LPIN2: variants seen among roughly 807,000 people sequenced by gnomAD.
The protein encoded by LPIN2 is phosphatidate phosphatase LPIN2.
LPIN2 carries 55 observed loss-of-function variants against 111.4 expected under a neutral mutation model. The observed-to-expected ratio is 0.49, with a 90% CI of 0.40 to 0.62. The LOEUF (loss-of-function observed/expected upper bound fraction) is 0.62, where lower values mean the gene tolerates loss of function less well. Among genes scored for constraint, LPIN2 ranks in the 20% least tolerant of loss-of-function variants. The pLI, the probability that LPIN2 is intolerant of heterozygous loss-of-function variation, is 0.00. For synonymous variants in LPIN2, 425 were observed against 414.0 expected (o/e 1.03, Z -0.32); for missense variants, 992 against 1,112.1 (o/e 0.89, Z 1.54).
chr18:2,926,182 G>T (rs2077127345), intron 13 of LPIN2, among the ~76,000 whole-genome samples: 1 of 152,194 alleles, frequency 6.6e-6, no homozygotes, highest in Admixed American at 6.5e-5. Flanking sequence ...AGGATGGGGG[G>T]CGGTAAGGGG....
intron 11 of LPIN2, among the ~76,000 whole-genome samples, chr18:2,928,380 A>C (rs2144147267): frequency 6.6e-6 from 1 of 152,350 alleles, no homozygotes; most frequent in Non-Finnish European, 1.5e-5. Context: ...AATAAAAATG[A>C]AATAAAGAAG....
intron 1 of LPIN2, chr18:2,990,864 C>G: frequency 2.1e-6 from 1 of 481,618 alleles, no homozygotes; most frequent in Non-Finnish European, 4.0e-6. Flanking sequence ...GACAATGATA[C>G]TACCTCCCTC....
chr18:2,960,532 T>A, intron 2 of LPIN2, 117 bp downstream of exon 2: 3 of 987,906 alleles, frequency 3.0e-6, no homozygotes, highest in Non-Finnish European at 1.6e-6. Context: ...AAAAAAGGCC[T>A]AGAAAACTCA....
At chr18:3,009,404 T>G (rs1447321803) in intron 1 of LPIN2, among the ~76,000 whole-genome samples, 1 of 151,636 alleles carries the variant, frequency 6.6e-6, no homozygotes, top group Non-Finnish European at 1.5e-5. Flanking sequence ...CTAGTAAAAT[T>G]CTAAATTCAA....
chr18:2,946,180 T>A (rs1427896566), intron 4 of LPIN2: 1 of 1,610,366 alleles, frequency 6.2e-7, no homozygotes, highest in East Asian at 2.2e-5. Flanking sequence ...CAGATATTTT[T>A]AATTCCAAAT....
At chr18:2,952,028 C>T (rs1319500163) in intron 3 of LPIN2, among the ~76,000 whole-genome samples, 2 of 152,196 alleles carry the variant, frequency 1.3e-5, no homozygotes, top group East Asian at 1.9e-4. Flanking sequence ...ACTCCTAATA[C>T]TAAATAAACG....
At chr18:2,993,772 T>C (rs529203416) in intron 1 of LPIN2, among the ~76,000 whole-genome samples, 3 of 152,328 alleles carry the variant, frequency 2.0e-5, no homozygotes, top group East Asian at 3.9e-4. Context: ...AGAATATATA[T>C]AGCCCATGAG....
intron 1 of LPIN2, among the ~76,000 whole-genome samples, chr18:2,962,076 G>T (rs1196870186): frequency 6.6e-6 from 1 of 152,110 alleles, no homozygotes; most frequent in East Asian, 1.9e-4. Context: ...AAAACTCAGG[G>T]GCCTCCAGGA....
intron 1 of LPIN2, among the ~76,000 whole-genome samples, chr18:2,982,118 A>C: frequency 6.6e-6 from 1 of 152,192 alleles, no homozygotes; most frequent in East Asian, 1.9e-4. Context: ...TGGATTAAAG[A>C]AGTTCATACA....
At chr18:2,992,044 T>C (rs2078274122) in intron 1 of LPIN2, among the ~76,000 whole-genome samples, 1 of 150,714 alleles carries the variant, frequency 6.6e-6, no homozygotes, top group Admixed American at 6.6e-5. Flanking sequence ...AAAAAATAAA[T>C]ATAGAATTGC....
intron 15 of LPIN2, among the ~76,000 whole-genome samples, 163 bp from the exon 16 acceptor site, chr18:2,924,024 C>T (rs1020094215): frequency 2.6e-5 from 4 of 152,180 alleles, no homozygotes; most frequent in African/African-American, 4.8e-5. Context: ...CCCATGCAAA[C>T]GCACCCACTG....
chr18:2,996,421 C>T (rs1480147635), intron 1 of LPIN2, among the ~76,000 whole-genome samples: 1 of 150,804 alleles, frequency 6.6e-6, no homozygotes, highest in African/African-American at 2.4e-5. Context: ...GGCATGGTGA[C>T]GTTGCAGAAA....
intron 5 of LPIN2, 69 bp from the exon 6 acceptor site, chr18:2,939,672 G>A (rs1197164240): frequency 6.4e-7 from 1 of 1,569,334 alleles, no homozygotes; most frequent in Non-Finnish European, 8.7e-7. Flanking sequence ...GAGCCTGACA[G>A]ATTAAAAGAA....
At chr18:2,973,442 T>C (rs966794303) in intron 1 of LPIN2, among the ~76,000 whole-genome samples, 1 of 152,226 alleles carries the variant, frequency 6.6e-6, no homozygotes, top group Non-Finnish European at 1.5e-5. Flanking sequence ...AACCATACAG[T>C]ATGTACCTTT....
chr18:3,004,001 T>G (rs1044438217), intron 1 of LPIN2, among the ~76,000 whole-genome samples: 1 of 147,796 alleles, frequency 6.8e-6, no homozygotes, highest in Non-Finnish European at 1.5e-5. Flanking sequence ...ACGGCCGCTC[T>G]GGGATTGTCT....
At chr18:2,982,814 T>A (rs550776541) in intron 1 of LPIN2, 117 of 921,326 alleles carry the variant, frequency 1.3e-4, no homozygotes, top group Non-Finnish European at 6.9e-5. Flanking sequence ...TGAAGGTATA[T>A]AATCAAAACA....
chr18:2,983,687 G>C (rs1448381985), intron 1 of LPIN2, among the ~76,000 whole-genome samples: 1 of 151,802 alleles, frequency 6.6e-6, no homozygotes, highest in Non-Finnish European at 1.5e-5. Context: ...CCATGACTAA[G>C]AATGAAAAGA....
At chr18:3,004,466 G>A (rs933792979) in intron 1 of LPIN2, among the ~76,000 whole-genome samples, 1 of 152,112 alleles carries the variant, frequency 6.6e-6, no homozygotes, top group African/African-American at 2.4e-5. Context: ...AAATATTGGG[G>A]GCTGGTTCCC....
chr18:2,940,737 G>A (rs752074192), intron 4 of LPIN2, 25 bp from the exon 5 acceptor site: 11 of 1,367,896 alleles, frequency 8.0e-6, no homozygotes, highest in Non-Finnish European at 1.0e-5. Flanking sequence ...CCAAAGAAAG[G>A]CAGGAACGAT....
Sources: allele counts gnomAD v4.1 joint callset (sites outside exome capture counted in the v4.1 genomes callset), GRCh38; gene constraint gnomAD v4.1.1; transcripts MANE v1.5; gene names NCBI Gene and HGNC (gene_info 2026-07-23, HGNC 2026-07-21).